The following CRPPA variants were observed in gnomAD, a reference collection of about 807,000 sequenced individuals.
CRPPA encodes the protein CDP-L-ribitol pyrophosphorylase A.
CRPPA carries 43 observed loss-of-function variants against 52.0 expected under a neutral mutation model. The observed-to-expected ratio is 0.83, with a 90% CI of 0.65 to 1.07. The LOEUF (loss-of-function observed/expected upper bound fraction) is 1.07. Among genes scored for constraint, CRPPA ranks in the 50% least tolerant of loss-of-function variants. The pLI, the probability that CRPPA is intolerant of heterozygous loss-of-function variation, is 0.00. For missense variants in CRPPA, 629 were observed against 551.7 expected (o/e 1.14, Z -1.40); for synonymous variants, 250 against 203.5 (o/e 1.23, Z -1.94).
Position 16,308,581 on chromosome 7 carries a change from G to T in CRPPA, c.731C>A (p.Ala244Asp). The stretch of plus-strand genomic sequence containing the variant: ...GGCTTTAGTGCAACAGTATTTTAGG[G>T]CCAATTGCAAACACTCAGTTCCAAA... ...LEFGTECLQLALKYCCTKAKL... is the reference protein window; with the variant it reads ...LEFGTECLQLDLKYCCTKAKL... The change falls in exon 4 of 10, where the codon GCC becomes GAC. Residue 244 changes from alanine to aspartate, a missense_variant. By Grantham distance (126) the Ala-to-Asp change is moderately radical (BLOSUM62 -2). Coordinates refer to ENST00000407010, the MANE Select transcript of CRPPA (RefSeq NM_001101426.4). The T allele has an allele frequency of 6.2e-7, 1 of 1,611,198 alleles. No homozygotes were observed. Among genetic ancestry groups the T allele is most frequent in the Non-Finnish European group, 8.5e-7 (1 of 1,178,472 alleles).
chr7:16,356,026 C>T (rs1294560354), intron 3 of CRPPA, among the ~76,000 whole-genome samples: 1 of 150,416 alleles, frequency 6.6e-6, no homozygotes, highest in African/African-American at 2.4e-5. Flanking sequence ...CCTAGCTAAG[C>T]TAAGTAACGA....
intron 3 of CRPPA, among the ~76,000 whole-genome samples, chr7:16,313,915 G>A (rs576702427): frequency 7.2e-5 from 11 of 151,926 alleles, no homozygotes; most frequent in African/African-American, 2.4e-4. Context: ...GTGTTTTATG[G>A]CCCAGAAAGT....
intron 3 of CRPPA, among the ~76,000 whole-genome samples, chr7:16,346,954 A>C (rs1374763285): frequency 1.3e-5 from 2 of 151,934 alleles, no homozygotes; most frequent in East Asian, 3.9e-4. Flanking sequence ...CACCCAGTCA[A>C]CTCCACCCTA....
Position 16,202,598 on chromosome 7 carries a change from G to A in CRPPA, c.1251+13468C>T, listed in dbSNP as rs1527223. On this transcript the variant is annotated intron_variant, in intron 9 of 9. Coordinates refer to ENST00000407010, the MANE Select transcript of CRPPA (RefSeq NM_001101426.4). ...AGACAATTAGCATGAATAAGTAAAGGATTTTGTGCCAGATTGTGTTAAATT... is the reference window on the plus strand; with the variant it reads ...AGACAATTAGCATGAATAAGTAAAGAATTTTGTGCCAGATTGTGTTAAATT... 2.6e-5 allele frequency among the ~76,000 whole-genome samples: 4 copies of A among 152,000 alleles called. No individual in the cohort carries two copies. The East Asian group carries it at 7.8e-4, about 30-fold the overall frequency.
intron 5 of CRPPA, among the ~76,000 whole-genome samples, chr7:16,299,744 A>T (rs1323241233): frequency 2.0e-5 from 3 of 152,232 alleles, no homozygotes; most frequent in Non-Finnish European, 2.9e-5. Flanking sequence ...AAAAAATAAA[A>T]GTAGCAGACC....
At chr7:16,261,615 C>T (rs1783803555) in intron 6 of CRPPA, among the ~76,000 whole-genome samples, 1 of 151,170 alleles carries the variant, frequency 6.6e-6, no homozygotes, top group South Asian at 2.1e-4. Context: ...TTAAGAAAAG[C>T]CGTAACATTT....
At chr7:16,281,242 G>C (rs1442604952) in intron 5 of CRPPA, among the ~76,000 whole-genome samples, 1 of 152,092 alleles carries the variant, frequency 6.6e-6, no homozygotes, top group African/African-American at 2.4e-5. Flanking sequence ...TGTTTCAATA[G>C]TGCTTTGTAG....
intron 1 of CRPPA, among the ~76,000 whole-genome samples, chr7:16,407,088 G>A (rs895396210): frequency 2.0e-5 from 3 of 152,256 alleles, no homozygotes; most frequent in African/African-American, 7.2e-5. Context: ...CGATTCTCGT[G>A]CCTCAGCCTT....
chr7:16,164,975 C>T (rs1001823855), intron 9 of CRPPA, among the ~76,000 whole-genome samples: 1 of 151,860 alleles, frequency 6.6e-6, no homozygotes, highest in Non-Finnish European at 1.5e-5. Context: ...CTGTCAGGGG[C>T]GTCAGGGACC....
intron 2 of CRPPA, among the ~76,000 whole-genome samples, chr7:16,381,022 C>T (rs982846164): frequency 2.0e-5 from 3 of 150,860 alleles, no homozygotes; most frequent in African/African-American, 7.3e-5. Flanking sequence ...TTATTTCTTG[C>T]CTTCTGCTAG....
chr7:16,142,119 C>T (rs1430506065), intron 9 of CRPPA, among the ~76,000 whole-genome samples: 4 of 152,078 alleles, frequency 2.6e-5, no homozygotes, highest in East Asian at 3.9e-4. Flanking sequence ...TAAACAAGAA[C>T]GGATATAAAG....
Position 16,244,724 on chromosome 7 carries a change from T to C in CRPPA, c.1119+13666A>G, listed in dbSNP as rs79637993. Among the ~76,000 whole-genome samples, 1,074 of 152,296 alleles carry C rather than the reference T, an allele frequency of 7.1e-3. 18 individuals carry two copies. Among genetic ancestry groups the C allele is most frequent in the African/African-American group, 0.024 (1,005 of 41,562 alleles). ...TCCATTGAAAAGCCTCATAAATGTC[T>C]AATAGCCACAATTTTACTTGGCTAC... On this transcript the variant is annotated intron_variant, in intron 8 of 9. Transcript: ENST00000407010.
intron 3 of CRPPA, among the ~76,000 whole-genome samples, chr7:16,342,779 A>AT (rs1266577880): frequency 0.027 from 929 of 34,058 alleles, 79 homozygotes; most frequent in African/African-American, 0.076. Context: ...AAAAAAAAAA[A>AT]AAAATATATA....
chr7:16,166,197 G>C (rs976934096), intron 9 of CRPPA, among the ~76,000 whole-genome samples: 1 of 152,076 alleles, frequency 6.6e-6, no homozygotes, highest in African/African-American at 2.4e-5. Flanking sequence ...TGATGTAGCT[G>C]ATAAATATTT....
intron 3 of CRPPA, among the ~76,000 whole-genome samples, chr7:16,368,224 C>G (rs1279357779): frequency 6.6e-6 from 1 of 152,176 alleles, no homozygotes; most frequent in Non-Finnish European, 1.5e-5. Flanking sequence ...CTGGACCAAT[C>G]CGTGGGCTTT....
chr7:16,254,130 A>G (rs977496434), intron 8 of CRPPA, among the ~76,000 whole-genome samples: 1 of 152,194 alleles, frequency 6.6e-6, no homozygotes, highest in African/African-American at 2.4e-5. Flanking sequence ...ACACTTTTAC[A>G]CTGTTGGTGG....
At chr7:16,318,817 G>A (rs1457828685) in intron 3 of CRPPA, among the ~76,000 whole-genome samples, 2 of 152,178 alleles carry the variant, frequency 1.3e-5, no homozygotes, top group Admixed American at 6.5e-5. Context: ...TCAAGGAGAA[G>A]GGAAACAAAC....
At chr7:16,181,233 T>A (rs947610661) in intron 9 of CRPPA, among the ~76,000 whole-genome samples, 1 of 151,926 alleles carries the variant, frequency 6.6e-6, no homozygotes, top group Non-Finnish European at 1.5e-5. Flanking sequence ...TGTAATTATT[T>A]TAAGAAAATG....
At chr7:16,223,800 G>C (rs1245092599) in intron 8 of CRPPA, among the ~76,000 whole-genome samples, 1 of 152,068 alleles carries the variant, frequency 6.6e-6, no homozygotes, top group Non-Finnish European at 1.5e-5. Context: ...GCCTGGACAG[G>C]CTTGCATCCA....
Sources: allele counts gnomAD v4.1 joint callset (sites outside exome capture counted in the v4.1 genomes callset), GRCh38; gene constraint gnomAD v4.1.1; transcripts MANE v1.5; gene names NCBI Gene and HGNC (gene_info 2026-07-23, HGNC 2026-07-21).